The following MGST1 variants were observed in gnomAD, a reference collection of about 807,000 sequenced individuals.
The protein encoded by MGST1 is glutathione S-transferase 12.
MGST1 carries 5 observed loss-of-function variants against 8.9 expected under a neutral mutation model. The observed-to-expected ratio is 0.56, with a 90% CI of 0.29 to 1.19. MGST1 has a LOEUF of 1.19. MGST1 is among the 50% of genes most tolerant of loss of function. MGST1 has a pLI of 0.08. For missense variants in MGST1, 182 were observed against 187.4 expected, an observed-to-expected ratio of 0.97 and a Z score of 0.17; for synonymous variants, 54 against 67.8, an observed-to-expected ratio of 0.80 and a Z score of 1.00.
chr12:16,389,068 CG>C lies in MGST1; in HGVS notation n.778+5465del, dbSNP rs1199163316. ...GTTAATCTTGTAAAGTGCCACTTTG[CG>C]TATCTGAAGACAAATACAGGTGGCA... On this transcript the variant is annotated intron_variant and non_coding_transcript_variant, in intron 1 of 1. Transcript: ENST00000359720. This position sits in a 1 kb window ranked among gnomAD's most constrained non-coding sequence, Gnocchi z 4.6. Among the ~76,000 whole-genome samples, 1 of 152,202 alleles carries C rather than the reference CG, an allele frequency of 6.6e-6. No homozygotes were observed. Among genetic ancestry groups the C allele is most frequent in the African/African-American group, 2.4e-5 (1 of 41,454 alleles).
intron 4 of MGST1, among the ~76,000 whole-genome samples, chr12:16,566,031 TATATATATAA>T (rs1718748127): frequency 4.0e-5 from 3 of 75,350 alleles, no homozygotes; most frequent in African/African-American, 9.7e-5. Context: ...TATATATATA[TATATATATAA>T]AATGGAGTAC....
intron 4 of MGST1, among the ~76,000 whole-genome samples, chr12:16,552,601 A>T (rs2137255706): frequency 6.6e-6 from 1 of 152,210 alleles, no homozygotes; most frequent in South Asian, 2.1e-4. Context: ...TAATAAAAAA[A>T]GTAGACTGAA....
Position 16,349,832 on chromosome 12 carries a change from C to A in MGST1, c.-23+2122C>A, listed in dbSNP as rs190623274. Among the ~76,000 whole-genome samples, 222 of 151,540 alleles carry A rather than the reference C, an allele frequency of 1.5e-3. 1 individual carries two copies. Among genetic ancestry groups the A allele is most frequent in the African/African-American group, 5.2e-3 (213 of 41,194 alleles). On this transcript the variant is annotated intron_variant, in intron 1 of 3. Transcript: ENST00000396210. ...CGATCTCAGCTCACTGCAAACTCCG[C>A]TTCCCGGGTTCACGCCATTCTCCTG... is the stretch of plus-strand genomic sequence containing the variant.
At position 16,510,491 on chromosome 12, in the gene MGST1, G is replaced by A. The variant is rs1030023258; in HGVS notation, n.483-79037G>A. ...ATGCCTTAACACATTGTAATATTGAGTTATATTTGTCTTTATTTCAGTTGA... is the reference window on the plus strand; with the variant it reads ...ATGCCTTAACACATTGTAATATTGAATTATATTTGTCTTTATTTCAGTTGA... On this transcript the variant is annotated intron_variant and non_coding_transcript_variant, in intron 4 of 4. Transcript: ENST00000538857. Among the ~76,000 whole-genome samples, 10 of 152,282 alleles carry A rather than the reference G, an allele frequency of 6.6e-5. 1 individual carries two copies. The East Asian group carries it at 1.7e-3, about 26-fold the overall frequency.
chr12:16,579,925 G>GT (rs1391712369), intron 4 of MGST1, among the ~76,000 whole-genome samples: 1 of 152,134 alleles, frequency 6.6e-6, no homozygotes, highest in Non-Finnish European at 1.5e-5. Flanking sequence ...AGAGAACCAG[G>GT]TATCTGTTGG....
At chr12:16,387,673 C>T (rs1453541817) in intron 1 of MGST1, among the ~76,000 whole-genome samples, 2 of 151,890 alleles carry the variant, frequency 1.3e-5, no homozygotes, top group East Asian at 1.9e-4. Context: ...ACTACAGGCG[C>T]CCACCACCAC....
intron 1 of MGST1, chr12:16,400,932 C>T: frequency 7.7e-7 from 1 of 1,306,664 alleles, no homozygotes; most frequent in Non-Finnish European, 1.1e-6. Flanking sequence ...TCCTGTTCTC[C>T]CTTTTGTTCA....
Position 16,559,341 on chromosome 12 carries a change from G to GA in MGST1, n.483-30181dup, listed in dbSNP as rs776830057. The stretch of plus-strand genomic sequence containing the variant: ...AAATAAAAAATATAACTTTCAATAA[G>GA]AAAAAATGGAATTAAGTGATAATAC... On this transcript the variant is annotated intron_variant and non_coding_transcript_variant, in intron 4 of 4. Transcript: ENST00000538857. This position sits in a 1 kb window ranked among gnomAD's most constrained non-coding sequence, Gnocchi z 4.1. Among the ~76,000 whole-genome samples the GA allele has an allele frequency of 1.3e-5, 2 of 152,066 alleles. No individual in the cohort carries two copies. Among genetic ancestry groups the GA allele is most frequent in the Admixed American group, 6.6e-5 (1 of 15,264 alleles).
rs114544885 is a variant in MGST1, at chr12:16,400,926, G to A, written n.778+17322G>A. The stretch of plus-strand genomic sequence containing the variant: ...GATTTGTGAGCTTTCTGAATCTCCT[G>A]TTCTCCCTTTTGTTCAGTCAGTCAC... On this transcript the variant is annotated intron_variant and non_coding_transcript_variant, in intron 1 of 1. Coordinates refer to the MGST1 transcript ENST00000359720. The A allele has an allele frequency of 4.3e-3, 5,569 of 1,291,004 alleles. 183 individuals are homozygous for A. In the African/African-American group the frequency reaches 0.072, roughly 17 times the overall value. The allele number at this position is 1,291,004 out of a possible 1,614,324, so 80.0% of individuals were successfully genotyped here.
chr12:16,387,111 A>G (rs1940510348), intron 1 of MGST1, among the ~76,000 whole-genome samples: 1 of 152,224 alleles, frequency 6.6e-6, no homozygotes, highest in African/African-American at 2.4e-5. Flanking sequence ...TGTAAATTAA[A>G]CTTTACAAAC....
intron 2 of MGST1, among the ~76,000 whole-genome samples, chr12:16,357,330 G>A (rs1939763050): frequency 6.6e-6 from 1 of 152,126 alleles, no homozygotes; most frequent in South Asian, 2.1e-4. Context: ...TGCAATCACA[G>A]CTCACTGCAG....
chr12:16,395,700 T>C (rs1271626790), intron 1 of MGST1, among the ~76,000 whole-genome samples: 2 of 151,088 alleles, frequency 1.3e-5, no homozygotes, highest in East Asian at 3.9e-4. Context: ...TTACTTCACT[T>C]AGAATAATAG....
In MGST1 at chr12:16,576,744, T is replaced by G. The variant is rs1168912118; in HGVS notation, n.483-12784T>G. ...AATTAACATTCTTGCATTGTCCAAC[T>G]ATATAGACTGCATACAGGGATTTTA... is the stretch of plus-strand genomic sequence containing the variant. On this transcript the variant is annotated intron_variant and non_coding_transcript_variant, in intron 4 of 4. Coordinates refer to the MGST1 transcript ENST00000538857. This position sits in a 1 kb window ranked among gnomAD's most constrained non-coding sequence, Gnocchi z 4.1. Among the ~76,000 whole-genome samples, 1 of 152,250 alleles carries G rather than the reference T, an allele frequency of 6.6e-6. No individual in the cohort carries two copies. Among genetic ancestry groups the G allele is most frequent in the Non-Finnish European group, 1.5e-5 (1 of 68,042 alleles).
At chr12:16,565,052 A>G (rs953729623) in intron 4 of MGST1, among the ~76,000 whole-genome samples, 2 of 152,172 alleles carry the variant, frequency 1.3e-5, no homozygotes, top group Non-Finnish European at 2.9e-5. Context: ...GGCCTCCCAA[A>G]GTTATCAAAT....
At chr12:16,569,310 C>A (rs914730708) in intron 4 of MGST1, among the ~76,000 whole-genome samples, 4 of 152,016 alleles carry the variant, frequency 2.6e-5, no homozygotes, top group African/African-American at 7.2e-5. Context: ...TTTTTCCCTG[C>A]AAAAATGGGG....
At chr12:16,360,649 G>C (rs1273672100) in intron 3 of MGST1, among the ~76,000 whole-genome samples, 1 of 152,200 alleles carries the variant, frequency 6.6e-6, no homozygotes, top group Non-Finnish European at 1.5e-5. Context: ...AGGCCAGCTG[G>C]TGAAATACAG....
intron 4 of MGST1, among the ~76,000 whole-genome samples, chr12:16,465,415 C>T (rs957648060): frequency 2.6e-5 from 4 of 152,226 alleles, no homozygotes; most frequent in Admixed American, 6.5e-5. Context: ...GCCAGTTGAC[C>T]GGTACTGGTC....
chr12:16,511,991 G>C (rs1941580161), intron 4 of MGST1, among the ~76,000 whole-genome samples: 2 of 152,068 alleles, frequency 1.3e-5, no homozygotes, highest in South Asian at 4.1e-4. Flanking sequence ...GTTTATGTCA[G>C]TCTATATTTT....
rs755753400 is a variant in MGST1 at position 16,354,363 on chromosome 12, T to C, written c.111T>C (p.Tyr37=). 2 of 1,594,712 alleles carry C rather than the reference T, an allele frequency of 1.3e-6. No individual in the cohort carries two copies. Among genetic ancestry groups the C allele is most frequent in the Non-Finnish European group, 1.7e-6 (2 of 1,175,216 alleles). ...MMLMSTATAF[Y]RLTRKVFANP... ...TTATGAGTACTGCAACTGCATTCTATAGATTGACAAGAAAGGTAAGAAATT... is the reference window on the plus strand; with the variant it reads ...TTATGAGTACTGCAACTGCATTCTACAGATTGACAAGAAAGGTAAGAAATT... The change falls in exon 2 of 4, where the codon TAT becomes TAC. Residue 37 remains tyrosine, a synonymous_variant. Transcript: ENST00000396210.
Sources: gnomAD v4.1 joint callset for allele counts (sites outside exome capture counted in the v4.1 genomes callset) on GRCh38, gnomAD v4.1.1 for gene constraint, Gnocchi (gnomAD v3.1) non-coding constraint, MANE v1.5 for transcripts, NCBI Gene and HGNC (gene_info 2026-07-23, HGNC 2026-07-21) for gene names.